Variants in ONECUT1 observed in about 807,000 individuals in gnomAD.
ONECUT1 encodes the protein hepatocyte nuclear factor 6.
A neutral mutation model predicts 25.6 loss-of-function variants in ONECUT1; 12 were observed. That is an observed-to-expected ratio of 0.47 (90% CI 0.30 to 0.76). The LOEUF (loss-of-function observed/expected upper bound fraction) is 0.76, where lower values mean the gene tolerates loss of function less well. Ranked by LOEUF, ONECUT1 falls within the 30% of genes least tolerant of loss-of-function variation. The pLI, the probability that ONECUT1 is intolerant of heterozygous loss-of-function variation, is 0.07. For missense variants in ONECUT1, 620 were observed against 651.2 expected, an observed-to-expected ratio of 0.95 and a Z score of 0.52; for synonymous variants, 285 against 270.2, an observed-to-expected ratio of 1.05 and a Z score of -0.54.
chr15:52,766,794 G>A (rs1054319433), intron 1 of ONECUT1, among the ~76,000 whole-genome samples: 1 of 152,222 alleles, frequency 6.6e-6, no homozygotes, highest in Non-Finnish European at 1.5e-5. Context: ...AGTCATTGGA[G>A]CCTCTCCCTG....
intron 1 of ONECUT1, among the ~76,000 whole-genome samples, chr15:52,781,769 A>G (rs530588309): frequency 6.6e-6 from 1 of 152,336 alleles, no homozygotes; most frequent in Admixed American, 6.5e-5. Context: ...AAAATATCTG[A>G]AGCTGCAGCT....
In ONECUT1 at chr15:52,756,762, GTTCATACGTATAACTT is replaced by G. The variant is rs1171670107; in HGVS notation, c.*777_*792del. On this transcript the variant is annotated 3_prime_UTR_variant, in exon 2 of 2. Transcript: ENST00000305901. The stretch of plus-strand genomic sequence containing the variant: ...TGGCATGTGTATTACAGCTAGATCA[GTTCATACGTATAACTT>G]TTCATAGTATCTTGTGTAAAAATAG... Among the ~76,000 whole-genome samples, 1 of 152,182 alleles carries G rather than the reference GTTCATACGTATAACTT, an allele frequency of 6.6e-6. No individual in the cohort carries two copies. Among genetic ancestry groups the G allele is most frequent in the Non-Finnish European group, 1.5e-5 (1 of 68,040 alleles).
chr15:52,777,216 A>G (rs933655326), intron 1 of ONECUT1, among the ~76,000 whole-genome samples: 3 of 152,248 alleles, frequency 2.0e-5, no homozygotes, highest in African/African-American at 7.2e-5. Context: ...ACAGAGCTAT[A>G]GGTTATTCCA....
In ONECUT1 at chr15:52,757,376, T is replaced by C; in HGVS notation, c.*179A>G. 1 of 667,212 alleles carries C rather than the reference T, an allele frequency of 1.5e-6. No individual in the cohort carries two copies. The highest frequency in any genetic ancestry group is 2.4e-6 in the Non-Finnish European group (1 of 410,446). The allele number at this position is 667,212 out of a possible 1,614,324, so 41.3% of individuals were successfully genotyped here. A position where few individuals can be genotyped will look rare whatever the true frequency, so the allele number is the denominator to read the frequency against. On this transcript the variant is annotated 3_prime_UTR_variant, in exon 2 of 2. Transcript: ENST00000305901. Reference sequence around the variant, plus strand: ...AGTCGCCGCCCTGCTGAAGTGTGTGTCTCCAAACAAAGTCAGAATGCAGGT... The same window carrying C: ...AGTCGCCGCCCTGCTGAAGTGTGTGCCTCCAAACAAAGTCAGAATGCAGGT...
chr15:52,761,130 C>A (rs1220806253), intron 1 of ONECUT1, among the ~76,000 whole-genome samples: 2 of 152,078 alleles, frequency 1.3e-5, no homozygotes, highest in South Asian at 2.1e-4. Flanking sequence ...AGGACCCTCA[C>A]CCCAATCCCT....
At chr15:52,763,600 T>C (rs1230316011) in intron 1 of ONECUT1, among the ~76,000 whole-genome samples, 1 of 152,252 alleles carries the variant, frequency 6.6e-6, no homozygotes, top group Admixed American at 6.5e-5. Flanking sequence ...CAAATTTCTT[T>C]AATGCAGGAC....
At chr15:52,774,533 C>T (rs1298088442) in intron 1 of ONECUT1, among the ~76,000 whole-genome samples, 1 of 152,160 alleles carries the variant, frequency 6.6e-6, no homozygotes, top group African/African-American at 2.4e-5. Flanking sequence ...ATCCTGACCT[C>T]ACGTGATCCT....
At chr15:52,779,968 C>T (rs1342960925) in intron 1 of ONECUT1, among the ~76,000 whole-genome samples, 1 of 152,176 alleles carries the variant, frequency 6.6e-6, no homozygotes, top group Non-Finnish European at 1.5e-5. Flanking sequence ...TGCTTCCTAA[C>T]AGGATGGGTG....
chr15:52,779,639 C>T (rs1179161579), intron 1 of ONECUT1, among the ~76,000 whole-genome samples: 3 of 152,086 alleles, frequency 2.0e-5, no homozygotes, highest in African/African-American at 7.2e-5. Flanking sequence ...CTAGGTGCCT[C>T]CTTAAAAAGC....
Position 52,777,737 on chromosome 15 carries a change from C to CAAAA in ONECUT1, c.1105+11039_1105+11042dup, listed in dbSNP as rs1555416122. On this transcript the variant is annotated intron_variant, in intron 1 of 1. Coordinates refer to ENST00000305901, the MANE Select transcript of ONECUT1 (RefSeq NM_004498.4). ...ACACACACACACACACACACACACA[C>CAAAA]AAAAAAACATGTAAAGTTATTTGTT... Among the ~76,000 whole-genome samples the CAAAA allele has an allele frequency of 4.2e-4, 43 of 103,454 alleles. 4 individuals are homozygous for CAAAA. Among genetic ancestry groups the CAAAA allele is most frequent in the East Asian group, 1.7e-3 (5 of 2,950 alleles). 67.9% of individuals were successfully genotyped at this position (103,454 alleles called of 152,430 possible). A position where few individuals can be genotyped will look rare whatever the true frequency, so the allele number is the denominator to read the frequency against.
intron 1 of ONECUT1, among the ~76,000 whole-genome samples, chr15:52,776,396 G>A (rs902416054): frequency 6.6e-6 from 1 of 152,024 alleles, no homozygotes; most frequent in African/African-American, 2.4e-5. Context: ...ATGTCTACTC[G>A]ACTTTAGAAA....
At chr15:52,782,042 T>C (rs2083844514) in intron 1 of ONECUT1, among the ~76,000 whole-genome samples, 1 of 152,242 alleles carries the variant, frequency 6.6e-6, no homozygotes, top group Non-Finnish European at 1.5e-5. Context: ...TTTCTTTTTT[T>C]CTTCAACTTT....
chr15:52,761,742 T>G (rs1271061119), intron 1 of ONECUT1, among the ~76,000 whole-genome samples: 1 of 152,214 alleles, frequency 6.6e-6, no homozygotes, highest in African/African-American at 2.4e-5. Flanking sequence ...AAGAACTTCT[T>G]GGGCGGTCAA....
At position 52,784,936 on chromosome 15, in the gene ONECUT1, C is replaced by T. The variant is rs977759293; in HGVS notation, c.1105+3844G>A. ...GACACGGTCGGTCGCGCCCTGCTGG[C>T]CCTTTGTTCGCGCCGCAGCGGGCTG... On this transcript the variant is annotated intron_variant, in intron 1 of 1. Coordinates refer to ENST00000305901, the MANE Select transcript of ONECUT1 (RefSeq NM_004498.4). The surrounding 1 kb of genome is among the most constrained non-coding windows in gnomAD (Gnocchi z 5.0). Among the ~76,000 whole-genome samples, 2 of 152,226 alleles carry T rather than the reference C, an allele frequency of 1.3e-5. No homozygotes were observed. Among genetic ancestry groups the T allele is most frequent in the African/African-American group, 2.4e-5 (1 of 41,464 alleles).
At chr15:52,779,995 G>A (rs73411655) in intron 1 of ONECUT1, among the ~76,000 whole-genome samples, 3,098 of 152,236 alleles carry the variant, frequency 0.02, 72 homozygotes, top group African/African-American at 0.068. Flanking sequence ...TGAACAAAGG[G>A]GGCTTTTGAA....
At position 52,757,205 on chromosome 15, in the gene ONECUT1, G is replaced by A. The variant is rs1333681038; in HGVS notation, c.*350C>T. 4 of 245,354 alleles carry A rather than the reference G, an allele frequency of 1.6e-5. No homozygotes were observed. Among genetic ancestry groups the A allele is most frequent in the Admixed American group, 5.1e-5 (1 of 19,536 alleles). The allele number at this position is 245,354 out of a possible 1,614,324, so 15.2% of individuals were successfully genotyped here. ...ACCTTCGTGGCATGGTAGAACAGAT[G>A]AGAAAGTTCGATCTTAAAAGATGTC... is the stretch of plus-strand genomic sequence containing the variant. On this transcript the variant is annotated 3_prime_UTR_variant, in exon 2 of 2. Transcript: ENST00000305901.
chr15:52,763,953 A>G (rs1251275804), intron 1 of ONECUT1, among the ~76,000 whole-genome samples: 3 of 152,234 alleles, frequency 2.0e-5, no homozygotes, highest in Non-Finnish European at 4.4e-5. Flanking sequence ...GAAACAAACC[A>G]ACAAGCTAGT....
At position 52,757,510 on chromosome 15, in the gene ONECUT1, T is replaced by A. The variant is rs748759186; in HGVS notation, c.*45A>T. 9 of 1,550,400 alleles carry A rather than the reference T, an allele frequency of 5.8e-6. No individual in the cohort carries two copies. The South Asian group carries it at 1.0e-4, about 17-fold the overall frequency. Reference sequence around the variant, plus strand: ...GTCCTGGTCTTTTAAAAATTTTTTTTAATTTAAAGCTTTTCCACCGAGGTT... The same window carrying A: ...GTCCTGGTCTTTTAAAAATTTTTTTAAATTTAAAGCTTTTCCACCGAGGTT... On this transcript the variant is annotated 3_prime_UTR_variant, in exon 2 of 2. Transcript: ENST00000305901.
At chr15:52,762,346 A>G (rs2083710837) in intron 1 of ONECUT1, among the ~76,000 whole-genome samples, 1 of 152,202 alleles carries the variant, frequency 6.6e-6, no homozygotes, top group Non-Finnish European at 1.5e-5. Flanking sequence ...AAAAAAATCT[A>G]TTATATATTG....
Sources: gnomAD v4.1 joint callset for allele counts (sites outside exome capture counted in the v4.1 genomes callset) on GRCh38, gnomAD v4.1.1 for gene constraint, Gnocchi (gnomAD v3.1) non-coding constraint, MANE v1.5 for transcripts, NCBI Gene and HGNC (gene_info 2026-07-23, HGNC 2026-07-21) for gene names.